The following TCF24 variants were observed in gnomAD, a reference collection of about 807,000 sequenced individuals.
TCF24 encodes the protein transcription factor 24.
TCF24 carries 5 observed loss-of-function variants against 9.3 expected under a neutral mutation model. The observed-to-expected ratio is 0.54, with a 90% CI of 0.28 to 1.13. The LOEUF (loss-of-function observed/expected upper bound fraction) is 1.13, where lower values mean the gene tolerates loss of function less well. TCF24 is among the 50% of genes most tolerant of loss of function. TCF24 has a pLI of 0.09. For missense variants in TCF24, 220 were observed against 236.1 expected (o/e 0.93, Z 0.45); for synonymous variants, 110 against 115.8 (o/e 0.95, Z 0.32).
intron 3 of TCF24, among the ~76,000 whole-genome samples, chr8:66,954,521 T>A (rs1814117737): frequency 6.6e-6 from 1 of 152,222 alleles, no homozygotes; most frequent in South Asian, 2.1e-4. Flanking sequence ...GACATTTGAG[T>A]CTGCAGAGGT....
At position 66,962,330 on chromosome 8, in the gene TCF24, T is replaced by G. The variant is rs1321292725; in HGVS notation, c.-136A>C. On this transcript the variant is annotated splice_region_variant and 5_prime_UTR_variant, in exon 1 of 4. Transcript: ENST00000563496. ...GTACGCGTCTGACGGGCCCCTCACC[T>G]TTCCTGGAGCGGCTGAGTGGAGCTC... is the stretch of plus-strand genomic sequence containing the variant. 6.6e-6 allele frequency: 1 copy of G among 152,636 alleles called. No homozygotes were observed. Among genetic ancestry groups the G allele is most frequent in the Non-Finnish European group, 1.5e-5 (1 of 68,408 alleles). The allele number at this position is 152,636 out of a possible 1,614,324, so 9.5% of individuals were successfully genotyped here.
intron 3 of TCF24, among the ~76,000 whole-genome samples, chr8:66,959,778 G>C (rs1243723206): frequency 6.6e-6 from 1 of 152,106 alleles, no homozygotes; most frequent in African/African-American, 2.4e-5. Flanking sequence ...CTTGGCTTTG[G>C]ATCATTATCT....
chr8:66,950,530 C>A (rs1371517197), intron 3 of TCF24, among the ~76,000 whole-genome samples: 1 of 151,860 alleles, frequency 6.6e-6, no homozygotes, highest in East Asian at 1.9e-4. Flanking sequence ...AGTGTGATGC[C>A]TCCAGCTTTG....
rs1813982495 is a variant in TCF24, at chr8:66,947,515, T to C, written c.*536A>G. 6.6e-6 allele frequency: 1 copy of C among 152,312 alleles called. No individual in the cohort carries two copies. Among genetic ancestry groups the C allele is most frequent in the Non-Finnish European group, 1.5e-5 (1 of 68,126 alleles). The allele number at this position is 152,312 out of a possible 1,614,324, so 9.4% of individuals were successfully genotyped here. The stretch of plus-strand genomic sequence containing the variant: ...TGTCCTCTGAGCAAACCATTTCTAA[T>C]ACTCCAAACAAGTTTTCTAAGAGGG... On this transcript the variant is annotated 3_prime_UTR_variant, in exon 4 of 4. Coordinates refer to ENST00000563496, the MANE Select transcript of TCF24 (RefSeq NM_001193502.2).
At chr8:66,951,591 G>A (rs997490432) in intron 3 of TCF24, among the ~76,000 whole-genome samples, 28 of 152,328 alleles carry the variant, frequency 1.8e-4, no homozygotes, top group African/African-American at 5.3e-4. Flanking sequence ...TTTGGTATCA[G>A]AATGATGCTG....
At chr8:66,957,862 A>G (rs1279429149) in intron 3 of TCF24, among the ~76,000 whole-genome samples, 2 of 146,280 alleles carry the variant, frequency 1.4e-5, no homozygotes, top group Non-Finnish European at 3.0e-5. Flanking sequence ...GTCCTCTTAC[A>G]TGCTATCCAG....
chr8:66,959,026 G>A (rs1346147477), intron 3 of TCF24, among the ~76,000 whole-genome samples: 1 of 152,200 alleles, frequency 6.6e-6, no homozygotes, highest in African/African-American at 2.4e-5. Context: ...GCATGCAGTG[G>A]TGCAATGTAG....
chr8:66,947,330 G>C lies in TCF24; in HGVS notation c.*721C>G, dbSNP rs1020631867. On this transcript the variant is annotated 3_prime_UTR_variant, in exon 4 of 4. Transcript: ENST00000563496. ...GACTCCATCTCTACAAAAAATAAAAGAATTAGCCAGGTGTGGTGACATGCA... is the reference window on the plus strand; with the variant it reads ...GACTCCATCTCTACAAAAAATAAAACAATTAGCCAGGTGTGGTGACATGCA... The C allele has an allele frequency of 6.6e-6, 1 of 152,124 alleles. No homozygotes were observed. The highest frequency in any genetic ancestry group is 2.4e-5 in the African/African-American group (1 of 41,410). 9.4% of individuals were successfully genotyped at this position (152,124 alleles called of 1,614,324 possible).
chr8:66,953,296 G>A lies in TCF24; in HGVS notation c.391-5132C>T, dbSNP rs953103292. On this transcript the variant is annotated intron_variant, in intron 3 of 3. Coordinates refer to ENST00000563496, the MANE Select transcript of TCF24 (RefSeq NM_001193502.2). ...GCTCTTTTAGGGCGGGCCTGGTGGTGACAAAATCTCTCAGCATTTGCTTGT... is the reference window on the plus strand; with the variant it reads ...GCTCTTTTAGGGCGGGCCTGGTGGTAACAAAATCTCTCAGCATTTGCTTGT... Among the ~76,000 whole-genome samples, 5 of 150,828 alleles carry A rather than the reference G, an allele frequency of 3.3e-5. No individual in the cohort carries two copies. In the East Asian group the frequency reaches 9.7e-4, roughly 29 times the overall value.
intron 3 of TCF24, among the ~76,000 whole-genome samples, chr8:66,955,281 G>A (rs917783879): frequency 2.6e-5 from 4 of 151,388 alleles, no homozygotes; most frequent in African/African-American, 9.7e-5. Flanking sequence ...AGTTCTTTCA[G>A]AATAAAACTC....
intron 3 of TCF24, among the ~76,000 whole-genome samples, chr8:66,957,399 A>G (rs1814175301): frequency 7.2e-6 from 1 of 139,602 alleles, no homozygotes; most frequent in African/African-American, 2.7e-5. Context: ...CTTAGGCAAT[A>G]AGAGTGAAAC....
chr8:66,953,682 G>A (rs1320884591), intron 3 of TCF24, among the ~76,000 whole-genome samples: 1 of 152,092 alleles, frequency 6.6e-6, no homozygotes, highest in Non-Finnish European at 1.5e-5. Flanking sequence ...ATAATATCCT[G>A]CAGAGTGTTT....
intron 3 of TCF24, chr8:66,954,860 G>C (rs1814127617): frequency 6.5e-6 from 1 of 152,818 alleles, no homozygotes; most frequent in African/African-American, 2.4e-5. Context: ...CAATTTTCCA[G>C]GTGCGTCCGT....
intron 3 of TCF24, among the ~76,000 whole-genome samples, chr8:66,953,450 T>C (rs1313389231): frequency 1.3e-5 from 2 of 152,226 alleles, no homozygotes; most frequent in Non-Finnish European, 2.9e-5. Context: ...TTGTAAGGTT[T>C]CTGCCGAGAG....
intron 3 of TCF24, among the ~76,000 whole-genome samples, chr8:66,960,312 A>G (rs760963522): frequency 6.6e-6 from 1 of 151,424 alleles, no homozygotes; most frequent in Non-Finnish European, 1.5e-5. Flanking sequence ...AAAACTTATC[A>G]CAGAATTGTA....
intron 3 of TCF24, among the ~76,000 whole-genome samples, chr8:66,948,519 G>C (rs1813998303): frequency 6.6e-6 from 1 of 152,088 alleles, no homozygotes; most frequent in African/African-American, 2.4e-5. Context: ...ACTAAAACTA[G>C]ATCCTGGGCT....
At chr8:66,949,660 G>A in intron 3 of TCF24, among the ~76,000 whole-genome samples, 1 of 152,082 alleles carries the variant, frequency 6.6e-6, no homozygotes, top group Non-Finnish European at 1.5e-5. Context: ...TCTAGTTCTA[G>A]ATCCTTGAGG....
rs1054512453 is a variant in TCF24 at position 66,961,808 on chromosome 8, C to T, written c.-23-20G>A. ...CGCGCGCTGCAAAGGACCGAAGGTG[C>T]GGTGAGGCCGGGGGGCGGTCGGGCT... On this transcript the variant is annotated intron_variant, in intron 2 of 3. Coordinates refer to ENST00000563496, the MANE Select transcript of TCF24 (RefSeq NM_001193502.2). 2 of 1,100,240 alleles carry T rather than the reference C, an allele frequency of 1.8e-6. No homozygotes were observed. Among genetic ancestry groups the T allele is most frequent in the East Asian group, 4.8e-5 (1 of 20,744 alleles). The allele number at this position is 1,100,240 out of a possible 1,614,324, so 68.2% of individuals were successfully genotyped here.
At chr8:66,956,977 G>A (rs1814165588) in intron 3 of TCF24, among the ~76,000 whole-genome samples, 1 of 151,858 alleles carries the variant, frequency 6.6e-6, no homozygotes, top group African/African-American at 2.4e-5. Flanking sequence ...GACTGAGGCG[G>A]GCAGATTACA....
Sources: gnomAD v4.1 joint callset for allele counts (sites outside exome capture counted in the v4.1 genomes callset) on GRCh38, gnomAD v4.1.1 for gene constraint, MANE v1.5 for transcripts, NCBI Gene and HGNC (gene_info 2026-07-23, HGNC 2026-07-21) for gene names.